TENM3: variants seen among roughly 807,000 people sequenced by gnomAD.
TENM3 encodes teneurin transmembrane protein 3.
A neutral mutation model predicts 255.1 loss-of-function variants in TENM3; 63 were observed. That is an observed-to-expected ratio of 0.25 (90% CI 0.20 to 0.30). TENM3 has a LOEUF of 0.30. Among genes scored for constraint, TENM3 ranks in the 10% least tolerant of loss-of-function variants. The probability of loss-of-function intolerance (pLI) is 1.00; values close to 1 mark genes in which losing one functional copy is unlikely to be tolerated. For missense variants in TENM3, 2,929 were observed against 3,461.1 expected (o/e 0.85, Z 3.86); for synonymous variants, 1,306 against 1,322.3 (o/e 0.99, Z 0.27).
chr4:181,610,330 G>A, the TENM3 span, among the ~76,000 whole-genome samples: 5 of 152,286 alleles, frequency 3.3e-5, no homozygotes, highest in Non-Finnish European at 7.4e-5. Flanking sequence ...TAAGATGACT[G>A]TTGCTATTTG....
At chr4:182,324,684 G>A (rs567097068) in intron 2 of TENM3, among the ~76,000 whole-genome samples, 29 of 152,336 alleles carry the variant, frequency 1.9e-4, no homozygotes, top group African/African-American at 5.8e-4. Context: ...ACAAGAAAGT[G>A]TGGCTTATTA....
At chr4:181,861,673 T>G in the TENM3 span, among the ~76,000 whole-genome samples, 1 of 152,298 alleles carries the variant, frequency 6.6e-6, no homozygotes, top group East Asian at 1.9e-4. Context: ...AATTTATTGA[T>G]AGCATTTAAC....
the TENM3 span, among the ~76,000 whole-genome samples, chr4:181,605,552 AAGAAAGAAAGAAAGAAAGAG>A: frequency 1.4e-4 from 4 of 29,462 alleles, no homozygotes; most frequent in Admixed American, 9.8e-4. Context: ...GAAAGAAAGA[AAGAAAGAAAGAAAGAAAGAG>A]AGAGAAAGAA....
At chr4:182,138,380 A>C in the TENM3 span, among the ~76,000 whole-genome samples, 1 of 152,230 alleles carries the variant, frequency 6.6e-6, no homozygotes, top group Non-Finnish European at 1.5e-5. Flanking sequence ...AATTTAACCC[A>C]GGTTAATGTC....
chr4:181,996,745 T>C, the TENM3 span, among the ~76,000 whole-genome samples: 63 of 152,132 alleles, frequency 4.1e-4, 3 homozygotes, highest in Admixed American at 4.1e-3. Context: ...TGGGTGTATT[T>C]TGGAGACAAA....
the TENM3 span, among the ~76,000 whole-genome samples, chr4:181,721,462 T>C: frequency 1.5e-5 from 2 of 135,414 alleles, no homozygotes; most frequent in Non-Finnish European, 3.2e-5. Context: ...TAGCCGGGTG[T>C]GGTGGCGGGC....
chr4:181,721,541 A>G, the TENM3 span, among the ~76,000 whole-genome samples: 1 of 51,186 alleles, frequency 2.0e-5, no homozygotes, highest in African/African-American at 5.5e-5. Flanking sequence ...CGGAGCTTGC[A>G]GTGAGCCGAG....
At chr4:182,100,568 T>TATATATACAC in the TENM3 span, among the ~76,000 whole-genome samples, 1 of 120,884 alleles carries the variant, frequency 8.3e-6, no homozygotes, top group African/African-American at 3.5e-5. Context: ...TATACACACA[T>TATATATACAC]ATATATACAC....
chr4:182,359,161 G>T (rs1200378428), intron 3 of TENM3, among the ~76,000 whole-genome samples: 1 of 152,162 alleles, frequency 6.6e-6, no homozygotes, highest in Non-Finnish European at 1.5e-5. Context: ...GTTCATCAAG[G>T]ATATTGGTCT....
At chr4:182,332,651 G>A (rs576235978) in intron 2 of TENM3, among the ~76,000 whole-genome samples, 10 of 150,190 alleles carry the variant, frequency 6.7e-5, no homozygotes, top group South Asian at 6.3e-4. Context: ...CCAAGATCAC[G>A]CCACTGCACT....
the TENM3 span, among the ~76,000 whole-genome samples, chr4:182,132,005 T>C: frequency 1.5e-3 from 220 of 144,398 alleles, 3 homozygotes; most frequent in East Asian, 0.043. Flanking sequence ...TTATCATCCC[T>C]GAACTATACT....
In TENM3 at chr4:182,659,644, T is replaced by C. The variant is rs1754053062; in HGVS notation, c.1111+5751T>C. On this transcript the variant is annotated intron_variant, in intron 6 of 27. Transcript: ENST00000511685. ...TAGTCAGTCTCTAAGTTCCTTCAAC[T>C]CTGACCCCATAATATCTTTTGAATC... is the stretch of plus-strand genomic sequence containing the variant. Among the ~76,000 whole-genome samples, 3 of 152,288 alleles carry C rather than the reference T, an allele frequency of 2.0e-5. No homozygotes were observed. In the South Asian group the frequency reaches 6.2e-4, roughly 32 times the overall value.
At chr4:181,615,951 T>C in the TENM3 span, among the ~76,000 whole-genome samples, 1 of 152,204 alleles carries the variant, frequency 6.6e-6, no homozygotes, top group African/African-American at 2.4e-5. Context: ...TACTTTTTAA[T>C]AACCAGTGGT....
chr4:182,226,169 G>A (rs1467060947), intron 1 of TENM3, among the ~76,000 whole-genome samples: 1 of 152,124 alleles, frequency 6.6e-6, no homozygotes, highest in Non-Finnish European at 1.5e-5. Flanking sequence ...TGGGTGGGGT[G>A]TCCTACTCCT....
chr4:181,576,983 TTATATATATTA>T, the TENM3 span, among the ~76,000 whole-genome samples: 3 of 132,476 alleles, frequency 2.3e-5, no homozygotes, highest in Admixed American at 2.6e-4. Context: ...CCGGCTAATA[TTATATATATTA>T]TATATATAAT....
chr4:181,836,779 G>A, the TENM3 span, among the ~76,000 whole-genome samples: 1 of 152,176 alleles, frequency 6.6e-6, no homozygotes, highest in African/African-American at 2.4e-5. Flanking sequence ...GAATTAATGT[G>A]TCAAGTTATA....
chr4:181,640,449 G>A, the TENM3 span, among the ~76,000 whole-genome samples: 1 of 152,118 alleles, frequency 6.6e-6, no homozygotes, highest in Non-Finnish European at 1.5e-5. Flanking sequence ...TTGTTATAGT[G>A]CTTTCCTGCA....
intron 13 of TENM3, among the ~76,000 whole-genome samples, chr4:182,715,138 C>T (rs539364551): frequency 8.5e-5 from 13 of 152,356 alleles, no homozygotes; most frequent in African/African-American, 2.4e-4. Context: ...CCCACCTCGG[C>T]CTCCAAAGTG....
the TENM3 span, among the ~76,000 whole-genome samples, chr4:181,979,523 G>C: frequency 6.6e-6 from 1 of 152,136 alleles, no homozygotes; most frequent in South Asian, 2.1e-4. Flanking sequence ...TGAGCGGAGA[G>C]GTGAAACCTT....
Sources: gnomAD v4.1 joint callset for allele counts (sites outside exome capture counted in the v4.1 genomes callset) on GRCh38, gnomAD v4.1.1 for gene constraint, MANE v1.5 for transcripts, NCBI Gene and HGNC (gene_info 2026-07-23, HGNC 2026-07-21) for gene names.